FUT8: variants seen among roughly 807,000 people sequenced by gnomAD.
FUT8 encodes alpha-(1,6)-fucosyltransferase.
In FUT8, 29 loss-of-function variants were observed where a neutral mutation model predicts 71.3. That is an observed-to-expected ratio of 0.41 (90% CI 0.30 to 0.55). The LOEUF (loss-of-function observed/expected upper bound fraction) is 0.55, where lower values mean the gene tolerates loss of function less well. Among genes scored for constraint, FUT8 ranks in the 20% least tolerant of loss-of-function variants. FUT8 has a pLI of 0.34. For synonymous variants in FUT8, 254 were observed against 239.3 expected, an observed-to-expected ratio of 1.06 and a Z score of -0.57; for missense variants, 544 against 702.1, an observed-to-expected ratio of 0.77 and a Z score of 2.55.
rs1490666926 is a variant in FUT8, at chr14:65,557,531, C to T, written c.-227-3806C>T. 7.9e-5 allele frequency among the ~76,000 whole-genome samples: 12 copies of T among 151,734 alleles called. No individual in the cohort carries two copies. In the East Asian group the frequency reaches 1.6e-3, roughly 20 times the overall value. ...ATTTTTAGTAGAGGCGGGGGTTTCA[C>T]CATCTTGGCCAGGCTGGTCTTGAAC... On this transcript the variant is annotated intron_variant, in intron 2 of 10. Transcript: ENST00000673929.
chr14:65,532,575 G>T (rs1884025813), intron 2 of FUT8, among the ~76,000 whole-genome samples: 1 of 152,016 alleles, frequency 6.6e-6, no homozygotes, highest in Admixed American at 6.6e-5. Flanking sequence ...AAAATTTTCT[G>T]TCATTCTGTA....
intron 1 of FUT8, among the ~76,000 whole-genome samples, chr14:65,418,249 T>A (rs1052557736): frequency 2.0e-5 from 3 of 152,220 alleles, no homozygotes; most frequent in African/African-American, 7.2e-5. Flanking sequence ...CTTTAACGTA[T>A]AACTAAAATG....
At chr14:65,542,612 T>C (rs2139967522) in intron 2 of FUT8, among the ~76,000 whole-genome samples, 1 of 152,340 alleles carries the variant, frequency 6.6e-6, no homozygotes, top group Admixed American at 6.5e-5. Context: ...AGGGCTTTCA[T>C]GTCTCTTGTA....
At chr14:65,535,248 C>T (rs561729526) in intron 2 of FUT8, among the ~76,000 whole-genome samples, 173 of 151,986 alleles carry the variant, frequency 1.1e-3, no homozygotes, top group African/African-American at 3.8e-3. Context: ...TACTGACGTA[C>T]ACCACCAAGC....
At chr14:65,451,547 A>G (rs2065826548) in intron 1 of FUT8, among the ~76,000 whole-genome samples, 1 of 152,238 alleles carries the variant, frequency 6.6e-6, no homozygotes, top group South Asian at 2.1e-4. Flanking sequence ...CAGTGAGGCC[A>G]AAGGGCCACT....
intron 7 of FUT8, among the ~76,000 whole-genome samples, chr14:65,702,877 G>T (rs1894378452): frequency 6.6e-6 from 1 of 152,088 alleles, no homozygotes; most frequent in Admixed American, 6.5e-5. Flanking sequence ...CTCCCAAGTA[G>T]CTGGGACTAC....
chr14:65,728,858 A>G (rs138908543), intron 9 of FUT8, among the ~76,000 whole-genome samples: 1 of 152,166 alleles, frequency 6.6e-6, no homozygotes, highest in African/African-American at 2.4e-5. Flanking sequence ...TTGTAAATAC[A>G]CCCTATGATG....
At chr14:65,577,684 A>G (rs1437511122) in intron 3 of FUT8, among the ~76,000 whole-genome samples, 1 of 152,184 alleles carries the variant, frequency 6.6e-6, no homozygotes, top group Admixed American at 6.5e-5. Flanking sequence ...CACATTCTTC[A>G]GAATGATTGC....
rs769268756 is a variant in FUT8 at position 65,669,228 on chromosome 14, C to G, written c.598-15C>G. 5 of 1,594,180 alleles carry G rather than the reference C, an allele frequency of 3.1e-6. No homozygotes were observed. The South Asian group carries it at 3.3e-5, about 11-fold the overall frequency. ...ACAACTTATCTTTATTTTCATTTCT[C>G]TTTCTCCCTGACAGAATCCCAAGGA... On this transcript the variant is annotated splice_polypyrimidine_tract_variant and intron_variant, in intron 6 of 10. Transcript: ENST00000673929. This position sits in a 1 kb window ranked among gnomAD's most constrained non-coding sequence, Gnocchi z 4.5.
rs540743333 is a variant in FUT8, at chr14:65,538,303, C to T, written c.-227-23034C>T. 1.1e-4 allele frequency among the ~76,000 whole-genome samples: 17 copies of T among 152,332 alleles called. 1 individual carries two copies. The highest frequency in any genetic ancestry group is 1.1e-3 in the Admixed American group (17 of 15,314). ...AGTGGGTCGCTCCTTGCCTGTTCAA[C>T]TCACCCTCTCCGCTGGAGTTGTTGG... On this transcript the variant is annotated intron_variant, in intron 2 of 10. Coordinates refer to ENST00000673929, the MANE Select transcript of FUT8 (RefSeq NM_001371533.1).
chr14:65,626,223 A>C (rs1255349280), intron 5 of FUT8, among the ~76,000 whole-genome samples: 3 of 110,890 alleles, frequency 2.7e-5, no homozygotes, highest in Non-Finnish European at 5.4e-5. Context: ...CTCTAGCATT[A>C]AAAAAAAAAA....
intron 6 of FUT8, among the ~76,000 whole-genome samples, chr14:65,665,624 C>T (rs1892175203): frequency 6.6e-6 from 1 of 152,268 alleles, no homozygotes; most frequent in East Asian, 1.9e-4. Context: ...CGTAAAGATA[C>T]ATGTATGCAT....
chr14:65,701,991 A>T (rs192067226), intron 7 of FUT8, among the ~76,000 whole-genome samples: 1 of 152,082 alleles, frequency 6.6e-6, no homozygotes, highest in Non-Finnish European at 1.5e-5. Flanking sequence ...TCTGGGTTCA[A>T]CTCCTGTCTC....
At chr14:65,505,558 C>T (rs933087410) in intron 2 of FUT8, among the ~76,000 whole-genome samples, 3 of 151,916 alleles carry the variant, frequency 2.0e-5, no homozygotes, top group Admixed American at 6.6e-5. Flanking sequence ...ATGATCTGCC[C>T]GCCTTAGCCT....
intron 3 of FUT8, among the ~76,000 whole-genome samples, chr14:65,598,904 C>G (rs1888147017): frequency 6.6e-6 from 1 of 152,142 alleles, no homozygotes; most frequent in Non-Finnish European, 1.5e-5. Flanking sequence ...GATTCCCCTG[C>G]CTCACCCTCC....
chr14:65,362,894 G>A, the FUT8 span, among the ~76,000 whole-genome samples: 7 of 151,452 alleles, frequency 4.6e-5, no homozygotes, highest in South Asian at 6.3e-4. Context: ...CCTGGGAGGC[G>A]GAGCCTGCAG....
intron 2 of FUT8, among the ~76,000 whole-genome samples, chr14:65,492,310 G>GC (rs2066493708): frequency 6.6e-6 from 1 of 152,150 alleles, no homozygotes; most frequent in African/African-American, 2.4e-5. Flanking sequence ...GCTATAACAA[G>GC]TGGAGGCATA....
intron 7 of FUT8, among the ~76,000 whole-genome samples, chr14:65,714,643 A>G (rs915027057): frequency 6.6e-6 from 1 of 151,528 alleles, no homozygotes; most frequent in Non-Finnish European, 1.5e-5. Flanking sequence ...TTTCATAGGG[A>G]TTGCATTGAA....
intron 7 of FUT8, among the ~76,000 whole-genome samples, chr14:65,697,577 C>G (rs1465459439): frequency 6.6e-6 from 1 of 152,150 alleles, no homozygotes; most frequent in Non-Finnish European, 1.5e-5. Context: ...TGAAAATTCT[C>G]TGGAACTGAA....
Sources: allele counts gnomAD v4.1 joint callset (sites outside exome capture counted in the v4.1 genomes callset), GRCh38; gene constraint gnomAD v4.1.1; non-coding constraint Gnocchi (gnomAD v3.1); transcripts MANE v1.5; gene names NCBI Gene and HGNC (gene_info 2026-07-23, HGNC 2026-07-21).